The following ATP11A variants were observed in gnomAD, a reference collection of about 807,000 sequenced individuals.
ATP11A encodes phospholipid-transporting ATPase IH.
ATP11A carries 81 observed loss-of-function variants against 154.4 expected under a neutral mutation model. That is an observed-to-expected ratio of 0.52 (90% confidence interval 0.44 to 0.63). ATP11A has a LOEUF of 0.63. ATP11A is among the 30% of genes least tolerant of loss of function. ATP11A has a pLI of 0.00. For synonymous variants in ATP11A, 623 were observed against 585.9 expected (o/e 1.06, Z -0.91); for missense variants, 1,316 against 1,474.3 (o/e 0.89, Z 1.76).
chr13:112,842,592 G>A (rs910710497), intron 17 of ATP11A, among the ~76,000 whole-genome samples: 5 of 152,232 alleles, frequency 3.3e-5, no homozygotes, highest in African/African-American at 4.8e-5. Flanking sequence ...AGGCTGTCCA[G>A]CCAGGCACAG....
chr13:112,770,314 A>G (rs887325026), intron 1 of ATP11A, among the ~76,000 whole-genome samples: 16 of 152,216 alleles, frequency 1.1e-4, no homozygotes, highest in Non-Finnish European at 2.2e-4. Flanking sequence ...TTTGTGGATC[A>G]TTGTGACCCA....
chr13:112,747,847 A>C (rs992271198), intron 1 of ATP11A, among the ~76,000 whole-genome samples: 2 of 145,486 alleles, frequency 1.4e-5, no homozygotes, highest in East Asian at 1.9e-4. Flanking sequence ...CAAAAAAAAA[A>C]CAAAACAAAA....
At chr13:112,828,579 A>T (rs2079008191) in intron 12 of ATP11A, among the ~76,000 whole-genome samples, 1 of 151,970 alleles carries the variant, frequency 6.6e-6, no homozygotes, top group Non-Finnish European at 1.5e-5. Flanking sequence ...TGCGGGGGAA[A>T]GTGCCCAGCG....
At chr13:112,718,375 C>G (rs1807543014) in intron 1 of ATP11A, among the ~76,000 whole-genome samples, 1 of 152,194 alleles carries the variant, frequency 6.6e-6, no homozygotes, top group Non-Finnish European at 1.5e-5. Context: ...GTTAGCCAGC[C>G]AAAGCCAAGT....
chr13:112,758,981 G>T (rs1454307640), intron 1 of ATP11A, among the ~76,000 whole-genome samples: 1 of 152,116 alleles, frequency 6.6e-6, no homozygotes, highest in African/African-American at 2.4e-5. Context: ...GAAAATCATT[G>T]AACCAATTCA....
At chr13:112,876,416 TC>T (rs1213757658) in intron 28 of ATP11A, among the ~76,000 whole-genome samples, 1 of 151,758 alleles carries the variant, frequency 6.6e-6, no homozygotes, top group Non-Finnish European at 1.5e-5. Context: ...ATGCCGAGTG[TC>T]CCCCCAGGTG....
At chr13:112,751,658 A>AAAAAC (rs910520013) in intron 1 of ATP11A, among the ~76,000 whole-genome samples, 15 of 151,872 alleles carry the variant, frequency 9.9e-5, no homozygotes, top group Non-Finnish European at 1.8e-4. Flanking sequence ...GCTCCATCTC[A>AAAAAC]AAAACAAAAC....
At position 112,875,790 on chromosome 13, in the gene ATP11A, A is replaced by G. The variant is rs1457698055; in HGVS notation, c.3176A>G (p.Tyr1059Cys). 7 of 1,613,516 alleles carry G rather than the reference A, an allele frequency of 4.3e-6. No individual in the cohort carries two copies. The highest frequency in any genetic ancestry group is 5.9e-6 in the Non-Finnish European group (7 of 1,179,830). The change falls in exon 28 of 30, where the codon TAC becomes TGC. Residue 1059 changes from tyrosine to cysteine, a missense_variant. Physicochemically the swap from Tyr to Cys is radical, Grantham distance 194 (BLOSUM62 -2). Transcript: ENST00000375645. This position sits in a 1 kb window ranked among gnomAD's most constrained non-coding sequence, Gnocchi z 4.1. ...WGGVIWPFLN[Y>C]QRMYYVFIQM... Reference sequence around the variant, plus strand: ...CTGCCCCTCAGGCCGTTCCTCAACTACCAGAGGATGTACTACGTGTTCATC... The same window carrying G: ...CTGCCCCTCAGGCCGTTCCTCAACTGCCAGAGGATGTACTACGTGTTCATC...
At chr13:112,711,005 C>G (rs897783770) in intron 1 of ATP11A, among the ~76,000 whole-genome samples, 1 of 117,872 alleles carries the variant, frequency 8.5e-6, no homozygotes. Flanking sequence ...AGCAGGGACT[C>G]GGTTCTCAAA....
chr13:112,829,227 G>A (rs947153536), intron 12 of ATP11A, among the ~76,000 whole-genome samples: 2 of 152,172 alleles, frequency 1.3e-5, no homozygotes, highest in Admixed American at 1.3e-4. Context: ...TAGAGCTGAG[G>A]GTGATGGCAG....
At chr13:112,736,574 C>CT (rs1891021787) in intron 1 of ATP11A, among the ~76,000 whole-genome samples, 1 of 152,166 alleles carries the variant, frequency 6.6e-6, no homozygotes, top group Admixed American at 6.6e-5. Context: ...ATGAGAAGTC[C>CT]TGATCTTTCT....
At chr13:112,881,017 G>A (rs2080869200) in intron 29 of ATP11A, 2 of 990,162 alleles carry the variant, frequency 2.0e-6, no homozygotes, top group Non-Finnish European at 1.2e-6. Flanking sequence ...TTATTGCATG[G>A]TTTGTGTGGA....
intron 12 of ATP11A, among the ~76,000 whole-genome samples, chr13:112,830,784 C>T (rs2079063079): frequency 6.6e-6 from 1 of 152,294 alleles, no homozygotes; most frequent in Non-Finnish European, 1.5e-5. Flanking sequence ...TCACGATAAA[C>T]GTGTGACCCA....
chr13:112,881,967 C>T lies in ATP11A; in HGVS notation c.*101C>T, dbSNP rs2080897443. On this transcript the variant is annotated 3_prime_UTR_variant, in exon 30 of 30. Transcript: ENST00000375645. Reference sequence around the variant, plus strand: ...CTCGCGGCCTGGAAGGAGAAGGTGTCCACGGAGCCCCCACCCATCCTCGGC... The same window carrying T: ...CTCGCGGCCTGGAAGGAGAAGGTGTTCACGGAGCCCCCACCCATCCTCGGC... 4 of 1,367,782 alleles carry T rather than the reference C, an allele frequency of 2.9e-6. No homozygotes were observed. The highest frequency in any genetic ancestry group is 3.9e-6 in the Non-Finnish European group (4 of 1,021,990). 84.7% of individuals were successfully genotyped at this position (1,367,782 alleles called of 1,614,324 possible). A position where few individuals can be genotyped will look rare whatever the true frequency, so the allele number is the denominator to read the frequency against.
chr13:112,840,953 T>C (rs2079397028), intron 16 of ATP11A, among the ~76,000 whole-genome samples: 1 of 152,130 alleles, frequency 6.6e-6, no homozygotes, highest in Admixed American at 6.5e-5. Context: ...GGGCCCTCAG[T>C]GTCTGGGGGT....
In ATP11A at chr13:112,856,010, G is replaced by A. The variant is rs2140341345; in HGVS notation, c.2343G>A (p.Arg781=). The part of the protein sequence containing the change: ...PREDGSSGNY[R]ELFLEICRSC... ...AAGACGGGAGTTCCGGCAACTACAG[G>A]GAGCTCTTCCTGGAAATCTGCCGGA... The change falls in exon 20 of 30, where the codon AGG becomes AGA. Residue 781 remains arginine, a synonymous_variant. Coordinates refer to ENST00000375645, the MANE Select transcript of ATP11A (RefSeq NM_015205.3). The A allele has an allele frequency of 1.2e-6, 2 of 1,614,180 alleles. No individual in the cohort carries two copies. Among genetic ancestry groups the A allele is most frequent in the Non-Finnish European group, 1.7e-6 (2 of 1,180,034 alleles).
rs143790836 is a variant in ATP11A at position 112,714,328 on chromosome 13, TCCG to T, written c.39+23875_39+23877del. On this transcript the variant is annotated intron_variant, in intron 1 of 29. Transcript: ENST00000375645. ...TTCTCCATCTCCTGGTCTGGGGTGT[TCCG>T]CTGCAGCCACAGGACCCCACTGTGG... Among the ~76,000 whole-genome samples, 985 of 152,200 alleles carry T rather than the reference TCCG, an allele frequency of 6.5e-3. 10 individuals carry two copies. Among genetic ancestry groups the T allele is most frequent in the African/African-American group, 0.023 (950 of 41,554 alleles).
intron 1 of ATP11A, among the ~76,000 whole-genome samples, chr13:112,751,088 TC>T (rs1170641560): frequency 2.6e-5 from 4 of 152,212 alleles, no homozygotes; most frequent in Non-Finnish European, 5.9e-5. Context: ...GTCTCTCTGC[TC>T]CCTGTGGGAC....
intron 1 of ATP11A, among the ~76,000 whole-genome samples, chr13:112,734,019 C>T (rs1446312015): frequency 6.6e-6 from 1 of 152,190 alleles, no homozygotes; most frequent in East Asian, 1.9e-4. Flanking sequence ...AATACCATTA[C>T]ACCAGGCTTT....
Sources: allele counts gnomAD v4.1 joint callset (sites outside exome capture counted in the v4.1 genomes callset), GRCh38; gene constraint gnomAD v4.1.1; non-coding constraint Gnocchi (gnomAD v3.1); transcripts MANE v1.5; gene names NCBI Gene and HGNC (gene_info 2026-07-23, HGNC 2026-07-21).